Variants in ADAMTS6 observed in about 807,000 individuals in gnomAD.
ADAMTS6 encodes A disintegrin and metalloproteinase with thrombospondin motifs 6.
A neutral mutation model predicts 144.3 loss-of-function variants in ADAMTS6; 23 were observed. The ratio of observed to expected loss-of-function variants is 0.16; its 90% CI spans 0.11 to 0.23. The LOEUF (loss-of-function observed/expected upper bound fraction) is 0.23. ADAMTS6 is among the 10% of genes least tolerant of loss of function. The probability of loss-of-function intolerance (pLI) is 1.00; values close to 1 mark genes in which losing one functional copy is unlikely to be tolerated. For missense variants in ADAMTS6, 999 were observed against 1,379.6 expected (o/e 0.72, Z 4.37); for synonymous variants, 444 against 457.5 (o/e 0.97, Z 0.38).
intron 7 of ADAMTS6, among the ~76,000 whole-genome samples, chr5:65,368,129 T>C (rs1379574371): frequency 6.6e-6 from 1 of 152,192 alleles, no homozygotes; most frequent in Non-Finnish European, 1.5e-5. Context: ...TTTTAAGAAT[T>C]GGTCCTAGTG....
intron 7 of ADAMTS6, among the ~76,000 whole-genome samples, chr5:65,349,525 T>C (rs1389904889): frequency 6.6e-6 from 1 of 152,144 alleles, no homozygotes; most frequent in Non-Finnish European, 1.5e-5. Flanking sequence ...CCTTTGCCTT[T>C]TAAAGTTTTG....
At chr5:65,361,376 AT>A (rs1749807652) in intron 7 of ADAMTS6, among the ~76,000 whole-genome samples, 1 of 152,190 alleles carries the variant, frequency 6.6e-6, no homozygotes, top group Non-Finnish European at 1.5e-5. Context: ...CTTTAAAAAA[AT>A]GTTTTAAATA....
chr5:65,252,361 C>T (rs1760248028), intron 14 of ADAMTS6, among the ~76,000 whole-genome samples: 3 of 151,484 alleles, frequency 2.0e-5, no homozygotes, highest in South Asian at 4.2e-4. Context: ...GTTGCCTCAG[C>T]CTCCCGAGTA....
intron 14 of ADAMTS6, among the ~76,000 whole-genome samples, chr5:65,246,841 G>A (rs538134161): frequency 9.2e-5 from 14 of 152,170 alleles, no homozygotes; most frequent in East Asian, 5.8e-4. Context: ...CTGAATTTGC[G>A]TTGATTAAAA....
At chr5:65,360,564 C>T (rs1200529003) in intron 7 of ADAMTS6, among the ~76,000 whole-genome samples, 1 of 150,198 alleles carries the variant, frequency 6.7e-6, no homozygotes, top group East Asian at 1.9e-4. Context: ...GAGGAAAAAA[C>T]AAGAAACAAG....
chr5:65,149,149 C>A lies in ADAMTS6; in HGVS notation c.*2687G>T, dbSNP rs946134770. The A allele has an allele frequency of 1.3e-5, 2 of 152,366 alleles. No individual in the cohort carries two copies. The highest frequency in any genetic ancestry group is 4.8e-5 in the African/African-American group (2 of 41,422). The allele number at this position is 152,366 out of a possible 1,614,324, so 9.4% of individuals were successfully genotyped here. A position where few individuals can be genotyped will look rare whatever the true frequency, so the allele number is the denominator to read the frequency against. On this transcript the variant is annotated 3_prime_UTR_variant, in exon 25 of 25. Coordinates refer to ENST00000381055, the MANE Select transcript of ADAMTS6 (RefSeq NM_197941.4). ...GTTCCTTTTTTAGTAGGACTTTATC[C>A]CAGTGGCAGATACTGCTCCCAGGTG...
intron 14 of ADAMTS6, among the ~76,000 whole-genome samples, 195 bp downstream of exon 14, chr5:65,260,405 C>T (rs998059810): frequency 4.5e-4 from 68 of 152,150 alleles, no homozygotes; most frequent in African/African-American, 1.6e-3. Context: ...GTTCCCAGTA[C>T]TGGAGCTCCC....
At chr5:65,379,293 T>C (rs1475458432) in intron 7 of ADAMTS6, among the ~76,000 whole-genome samples, 1 of 152,178 alleles carries the variant, frequency 6.6e-6, no homozygotes, top group East Asian at 1.9e-4. Context: ...CCTTTGAATA[T>C]AGATAAATGT....
intron 12 of ADAMTS6, among the ~76,000 whole-genome samples, chr5:65,263,520 A>C (rs1210293490): frequency 6.6e-6 from 1 of 152,068 alleles, no homozygotes; most frequent in African/African-American, 2.4e-5. Flanking sequence ...ATGCCAAGAC[A>C]TTAGGGACTG....
chr5:65,295,191 C>T (rs1742714984), intron 10 of ADAMTS6, among the ~76,000 whole-genome samples: 1 of 151,818 alleles, frequency 6.6e-6, no homozygotes, highest in Non-Finnish European at 1.5e-5. Context: ...TGTATGTCTC[C>T]TGGTATAAAT....
intron 21 of ADAMTS6, among the ~76,000 whole-genome samples, chr5:65,195,716 T>G (rs992025161): frequency 1.3e-5 from 2 of 152,224 alleles, no homozygotes; most frequent in Non-Finnish European, 2.9e-5. Context: ...TTATAAAGTT[T>G]TTCTCTCCAG....
rs780295839 is a variant in ADAMTS6 at position 65,242,149 on chromosome 5, T to G, written c.1888A>C (p.Met630Leu). Residue 630 changes from methionine to leucine, a missense_variant, in exon 15 of 25, where the codon ATG (methionine) becomes CTG (leucine). Physicochemically the swap from Met to Leu is conservative, Grantham distance 15. Coordinates refer to ENST00000381055, the MANE Select transcript of ADAMTS6 (RefSeq NM_197941.4). ...TTATAATACTTTCCTCGGAAAGGCA[T>G]ATTGTCAAAGTCTGCACACTGTTTC... ...REKQCADFDN[M>L]PFRGKYYNWK... 1 of 1,605,200 alleles carries G rather than the reference T, an allele frequency of 6.2e-7. No homozygotes were observed. Among genetic ancestry groups the G allele is most frequent in the Non-Finnish European group, 8.5e-7 (1 of 1,174,296 alleles).
chr5:65,260,018 T>G (rs965266141), intron 14 of ADAMTS6, among the ~76,000 whole-genome samples: 7 of 152,190 alleles, frequency 4.6e-5, no homozygotes, highest in Non-Finnish European at 5.9e-5. Context: ...CTACCCAGTT[T>G]GAAGACTATA....
chr5:65,214,297 G>T lies in ADAMTS6; in HGVS notation c.2575+497C>A, dbSNP rs1350418188. The T allele has an allele frequency of 3.6e-6, 1 of 281,460 alleles. No homozygotes were observed. The highest frequency in any genetic ancestry group is 7.0e-6 in the Non-Finnish European group (1 of 142,518). 17.4% of individuals were successfully genotyped at this position (281,460 alleles called of 1,614,324 possible). The stretch of plus-strand genomic sequence containing the variant: ...CAGAACCCAGATACCAGTAATTATT[G>T]TAGCATCCCAGTATACAGCCCCTTA... On this transcript the variant is annotated intron_variant, in intron 20 of 24. Coordinates refer to ENST00000381055, the MANE Select transcript of ADAMTS6 (RefSeq NM_197941.4). The surrounding 1 kb of genome is among the most constrained non-coding windows in gnomAD (Gnocchi z 4.6).
intron 14 of ADAMTS6, among the ~76,000 whole-genome samples, chr5:65,259,597 A>C (rs1223306903): frequency 2.0e-5 from 3 of 152,208 alleles, no homozygotes; most frequent in African/African-American, 7.2e-5. Flanking sequence ...TAGAATGATC[A>C]AGGCAAAAAC....
At chr5:65,248,688 G>A (rs184414694) in intron 14 of ADAMTS6, among the ~76,000 whole-genome samples, 143 of 152,202 alleles carry the variant, frequency 9.4e-4, no homozygotes, top group African/African-American at 3.3e-3. Flanking sequence ...TTGGGAGGTT[G>A]AGGTGAGAGG....
intron 7 of ADAMTS6, among the ~76,000 whole-genome samples, chr5:65,376,255 G>C: frequency 6.7e-6 from 1 of 149,590 alleles, no homozygotes; most frequent in South Asian, 2.2e-4. Flanking sequence ...AAAACTTAAA[G>C]TAAAATAATA....
intron 7 of ADAMTS6, among the ~76,000 whole-genome samples, chr5:65,430,578 C>A (rs951786795): frequency 3.3e-5 from 5 of 152,156 alleles, no homozygotes; most frequent in South Asian, 2.1e-4. Flanking sequence ...CAACCAATAT[C>A]CAATCACCCT....
In ADAMTS6 at chr5:65,170,600, C is replaced by A; in HGVS notation, c.3244+17G>T. 4 of 1,613,126 alleles carry A rather than the reference C, an allele frequency of 2.5e-6. No individual in the cohort carries two copies. Among genetic ancestry groups the A allele is most frequent in the Non-Finnish European group, 3.4e-6 (4 of 1,179,582 alleles). ...GGTCATTAGAAACCACAGGCCCCTC[C>A]TCCATGGAAAACTCACCTTCAGTAT... On this transcript the variant is annotated intron_variant, in intron 24 of 24. Transcript: ENST00000381055.
Sources: allele counts gnomAD v4.1 joint callset (sites outside exome capture counted in the v4.1 genomes callset), GRCh38; gene constraint gnomAD v4.1.1; non-coding constraint Gnocchi (gnomAD v3.1); transcripts MANE v1.5; gene names NCBI Gene and HGNC (gene_info 2026-07-23, HGNC 2026-07-21).